PCDHGB1: variants seen among roughly 807,000 people sequenced by gnomAD.
The protein encoded by PCDHGB1 is protocadherin gamma-B1.
In PCDHGB1, 34 loss-of-function variants were observed where a neutral mutation model predicts 56.6. The observed-to-expected ratio is 0.60, with a 90% CI of 0.46 to 0.80. The LOEUF (loss-of-function observed/expected upper bound fraction) is 0.80. Ranked by LOEUF, PCDHGB1 falls within the 30% of genes least tolerant of loss-of-function variation. The pLI is 0.00. For missense variants in PCDHGB1, 1,278 were observed against 1,204.6 expected (o/e 1.06, Z -0.90); for synonymous variants, 561 against 505.9 (o/e 1.11, Z -1.46).
At position 141,364,741 on chromosome 5, in the gene PCDHGB1, G is replaced by C. The variant is rs774257321; in HGVS notation, c.2409+12072G>C. 5.6e-6 allele frequency: 9 copies of C among 1,613,840 alleles called. No homozygotes were observed. In the Admixed American group the frequency reaches 1.5e-4, roughly 27 times the overall value. Reference sequence around the variant, plus strand: ...ACTTCCCGCGTTTCCGGGATGAAGAGTTAAAAGTAAAAGTTAATGAAAATG... The same window carrying C: ...ACTTCCCGCGTTTCCGGGATGAAGACTTAAAAGTAAAAGTTAATGAAAATG... On this transcript the variant is annotated intron_variant, in intron 1 of 3. Transcript: ENST00000523390.
chr5:141,384,126 C>A lies in PCDHGB1; in HGVS notation c.2409+31457C>A, dbSNP rs749225079. On this transcript the variant is annotated intron_variant, in intron 1 of 3. Transcript: ENST00000523390. ...ATTATAGATTGGTCACAACCAAAAA[C>A]TTGGACCGGGAAACACTCTCTTTGT... 4 of 1,610,820 alleles carry A rather than the reference C, an allele frequency of 2.5e-6. No individual in the cohort carries two copies. The Admixed American group carries it at 6.7e-5, about 27-fold the overall frequency.
In PCDHGB1 at chr5:141,486,036, G is replaced by A. The variant is rs773301300; in HGVS notation, c.2410-8771G>A. ...TATTTCAGTGGTCATACCCCTGATC[G>A]TGTAAGAAACCTCTTTAGCCTGCAC... On this transcript the variant is annotated intron_variant, in intron 1 of 3. Transcript: ENST00000523390. This position sits in a 1 kb window ranked among gnomAD's most constrained non-coding sequence, Gnocchi z 5.0. 2.5e-6 allele frequency: 4 copies of A among 1,614,048 alleles called. No individual in the cohort carries two copies. Among genetic ancestry groups the A allele is most frequent in the Admixed American group, 1.7e-5 (1 of 60,004 alleles).
At chr5:141,358,601 T>C (rs931374917) in intron 1 of PCDHGB1, among the ~76,000 whole-genome samples, 5 of 152,228 alleles carry the variant, frequency 3.3e-5, no homozygotes, top group Non-Finnish European at 5.9e-5. Context: ...ACTCCTGTGA[T>C]TATGAGAAAT....
intron 1 of PCDHGB1, among the ~76,000 whole-genome samples, chr5:141,358,211 G>A (rs1760853496): frequency 6.6e-6 from 1 of 152,100 alleles, no homozygotes; most frequent in African/African-American, 2.4e-5. Context: ...ATAAAATAAA[G>A]TAAAATAAAG....
At chr5:141,400,681 T>C in intron 1 of PCDHGB1, 1 of 834,118 alleles carries the variant, frequency 1.2e-6, no homozygotes, top group Non-Finnish European at 1.9e-6. Flanking sequence ...CAGTAAATTG[T>C]GAGTTTTTAT....
chr5:141,387,021 G>A (rs1385427303), intron 1 of PCDHGB1, among the ~76,000 whole-genome samples: 1 of 152,158 alleles, frequency 6.6e-6, no homozygotes, highest in Non-Finnish European at 1.5e-5. Context: ...GAAGATGAAT[G>A]TTGTATTTCA....
intron 1 of PCDHGB1, chr5:141,372,939 G>A (rs1026338118): frequency 1.1e-5 from 9 of 824,676 alleles, no homozygotes; most frequent in Non-Finnish European, 1.6e-5. Flanking sequence ...GTAGAGTAGG[G>A]TGTCTAGGAA....
At chr5:141,372,417 C>G in intron 1 of PCDHGB1, 1 of 1,614,062 alleles carries the variant, frequency 6.2e-7, no homozygotes, top group Non-Finnish European at 8.5e-7. Flanking sequence ...ACAACCTGAC[C>G]TTAGCGACCG....
chr5:141,366,149 C>T lies in PCDHGB1; in HGVS notation c.2409+13480C>T, dbSNP rs532159175. The stretch of plus-strand genomic sequence containing the variant: ...AGGCCAGAACGCCTGGCTGTCCTAC[C>T]GCCTGCTTAAGGCCAGCGAGCCAGG... On this transcript the variant is annotated intron_variant, in intron 1 of 3. Transcript: ENST00000523390. 9.9e-6 allele frequency: 16 copies of T among 1,614,042 alleles called. No homozygotes were observed. In the South Asian group the frequency reaches 1.5e-4, roughly 16 times the overall value.
chr5:141,383,144 G>A (rs1306014093), intron 1 of PCDHGB1: 19 of 1,614,132 alleles, frequency 1.2e-5, no homozygotes, highest in Non-Finnish European at 1.4e-5. Flanking sequence ...CAGCGCAGCG[G>A]CAGCTTGGTC....
At chr5:141,371,690 C>G (rs778571401) in intron 1 of PCDHGB1, 1 of 1,614,078 alleles carries the variant, frequency 6.2e-7, no homozygotes, top group South Asian at 1.1e-5. Flanking sequence ...ATCCACCGCT[C>G]TCCTCCAGCA....
chr5:141,376,710 C>A lies in PCDHGB1; in HGVS notation c.2409+24041C>A, dbSNP rs967144900. 118 of 619,882 alleles carry A rather than the reference C, an allele frequency of 1.9e-4. No individual in the cohort carries two copies. The East Asian group carries it at 3.7e-3, about 19-fold the overall frequency. 38.4% of individuals were successfully genotyped at this position (619,882 alleles called of 1,614,324 possible). Reference sequence around the variant, plus strand: ...TTTTTTTTTTTTTGAGACGGAGTCTCGCTCTGTCGCCCAGGCCGGACTGCG... The same window carrying A: ...TTTTTTTTTTTTTGAGACGGAGTCTAGCTCTGTCGCCCAGGCCGGACTGCG... On this transcript the variant is annotated intron_variant, in intron 1 of 3. Transcript: ENST00000523390.
At chr5:141,413,748 T>G (rs1264580781) in intron 1 of PCDHGB1, 1 of 1,613,288 alleles carries the variant, frequency 6.2e-7, no homozygotes, top group Admixed American at 1.7e-5. Flanking sequence ...GCCGTGCCAA[T>G]GGCGTCAAGT....
chr5:141,388,374 A>G (rs1169150224), intron 1 of PCDHGB1: 1 of 1,614,020 alleles, frequency 6.2e-7, no homozygotes, highest in South Asian at 1.1e-5. Flanking sequence ...GGATATTGGT[A>G]GCAACACACT....
Position 141,476,605 on chromosome 5 carries a change from T to C in PCDHGB1, c.2410-18202T>C, listed in dbSNP as rs1394742940. ...CGCTCGAGAGCGCGCACGATCCCGATGTGGGAAGCAACTCTTTACAAACCT... is the reference window on the plus strand; with the variant it reads ...CGCTCGAGAGCGCGCACGATCCCGACGTGGGAAGCAACTCTTTACAAACCT... On this transcript the variant is annotated intron_variant, in intron 1 of 3. Transcript: ENST00000523390. This position sits in a 1 kb window ranked among gnomAD's most constrained non-coding sequence, Gnocchi z 7.6. 1.9e-6 allele frequency: 3 copies of C among 1,614,066 alleles called. No individual in the cohort carries two copies. In the East Asian group the frequency reaches 6.7e-5, roughly 36 times the overall value.
At chr5:141,481,618 G>C (rs1339565594) in intron 1 of PCDHGB1, among the ~76,000 whole-genome samples, 1 of 152,142 alleles carries the variant, frequency 6.6e-6, no homozygotes, top group African/African-American at 2.4e-5. Context: ...AGGAGTTCAA[G>C]ACCGGCCTGG....
At chr5:141,419,151 C>A in intron 1 of PCDHGB1, 1 of 1,613,918 alleles carries the variant, frequency 6.2e-7, no homozygotes. Context: ...GGCAAGCCTC[C>A]GTTATCCTCC....
At chr5:141,403,552 G>T (rs1228068556) in intron 1 of PCDHGB1, 5 of 1,613,892 alleles carry the variant, frequency 3.1e-6, no homozygotes, top group Non-Finnish European at 4.2e-6. Context: ...AGCGCGCCCT[G>T]GACAGGGAGG....
rs779686795 is a variant in PCDHGB1 at position 141,476,566 on chromosome 5, G to C, written c.2410-18241G>C. The stretch of plus-strand genomic sequence containing the variant: ...TGGAGATTAGCGAGGCCGTGGCTCC[G>C]GGGACGCGCTTTCCGCTCGAGAGCG... On this transcript the variant is annotated intron_variant, in intron 1 of 3. Transcript: ENST00000523390. This position sits in a 1 kb window ranked among gnomAD's most constrained non-coding sequence, Gnocchi z 7.6. 1.2e-6 allele frequency: 2 copies of C among 1,614,180 alleles called. No homozygotes were observed. The highest frequency in any genetic ancestry group is 1.7e-5 in the Admixed American group (1 of 60,030).
Sources: gnomAD v4.1 joint callset for allele counts (sites outside exome capture counted in the v4.1 genomes callset) on GRCh38, gnomAD v4.1.1 for gene constraint, Gnocchi (gnomAD v3.1) non-coding constraint, MANE v1.5 for transcripts, NCBI Gene and HGNC (gene_info 2026-07-23, HGNC 2026-07-21) for gene names.